The following RPH3A variants were observed in gnomAD, a reference collection of about 807,000 sequenced individuals.
RPH3A encodes rabphilin-3A.
In RPH3A, 48 loss-of-function variants were observed where a neutral mutation model predicts 102.2. That is an observed-to-expected ratio of 0.47 (90% confidence interval 0.37 to 0.60). The LOEUF is 0.60. RPH3A is among the 20% of genes least tolerant of loss of function. The pLI is 0.00. For missense variants in RPH3A, 781 were observed against 910.1 expected (o/e 0.86, Z 1.83); for synonymous variants, 310 against 324.3 (o/e 0.96, Z 0.47).
At chr12:112,843,865 C>T (rs2042188107) in intron 4 of RPH3A, among the ~76,000 whole-genome samples, 1 of 152,070 alleles carries the variant, frequency 6.6e-6, no homozygotes, top group African/African-American at 2.4e-5. Context: ...GGCTGAATTC[C>T]ATTATGACTG....
chr12:112,783,659 G>A (rs1565879367), intron 1 of RPH3A, among the ~76,000 whole-genome samples: 1 of 152,148 alleles, frequency 6.6e-6, no homozygotes, highest in South Asian at 2.1e-4. Flanking sequence ...ATAATTCCAA[G>A]AAACACATGT....
intron 1 of RPH3A, among the ~76,000 whole-genome samples, chr12:112,597,437 T>G (rs545807535): frequency 1.8e-4 from 27 of 152,030 alleles, no homozygotes; most frequent in Non-Finnish European, 3.2e-4. Flanking sequence ...GCAAAAAAAT[T>G]AGCCAGGCAT....
At chr12:112,856,048 G>A (rs1249257622) in intron 5 of RPH3A, among the ~76,000 whole-genome samples, 2 of 152,180 alleles carry the variant, frequency 1.3e-5, no homozygotes, top group African/African-American at 4.8e-5. Flanking sequence ...AAAGGCAGCT[G>A]CTCTGGCTGC....
intron 2 of RPH3A, among the ~76,000 whole-genome samples, chr12:112,799,116 T>C (rs1357003550): frequency 6.6e-6 from 1 of 151,226 alleles, no homozygotes; most frequent in Non-Finnish European, 1.5e-5. Context: ...CCAGGGATGA[T>C]GGCTCGCACT....
In RPH3A at chr12:112,670,068, T is replaced by G. The variant is rs149061248; in HGVS notation, c.-140+94749T>G. 3.7e-3 allele frequency among the ~76,000 whole-genome samples: 557 copies of G among 152,352 alleles called. 1 individual carries two copies. The highest frequency in any genetic ancestry group is 6.0e-3 in the Non-Finnish European group (408 of 68,036). On this transcript the variant is annotated intron_variant, in intron 1 of 21. Coordinates refer to the RPH3A transcript ENST00000543106. ...TAGAATTTATTTTCAGAAATAGTATTGATGGATTAAAGAATGTGTGTATTT... is the reference window on the plus strand; with the variant it reads ...TAGAATTTATTTTCAGAAATAGTATGGATGGATTAAAGAATGTGTGTATTT...
intron 1 of RPH3A, among the ~76,000 whole-genome samples, chr12:112,636,892 G>A (rs1049276537): frequency 2.0e-5 from 3 of 152,102 alleles, no homozygotes; most frequent in African/African-American, 4.8e-5. Context: ...TTAAAAATCT[G>A]TATAGAGCTT....
rs55886323 is a variant in RPH3A at position 112,712,999 on chromosome 12, C to T, written c.-139-79144C>T. 1.9e-3 allele frequency among the ~76,000 whole-genome samples: 129 copies of T among 67,460 alleles called. 6 individuals carry two copies. The highest frequency in any genetic ancestry group is 6.9e-3 in the South Asian group (9 of 1,296). The allele number at this position is 67,460 out of a possible 152,430, so 44.3% of individuals were successfully genotyped here. A position where few individuals can be genotyped will look rare whatever the true frequency, so the allele number is the denominator to read the frequency against. ...TTTCTTCTTCGTCGTCTTTGTCTTC[C>T]TCTTCCTCTTCCTCTTCCTCTTCCT... On this transcript the variant is annotated intron_variant, in intron 1 of 21. Coordinates refer to the RPH3A transcript ENST00000543106.
intron 1 of RPH3A, among the ~76,000 whole-genome samples, chr12:112,621,029 G>C (rs56118784): frequency 0.013 from 1,898 of 148,670 alleles, 41 homozygotes; most frequent in African/African-American, 0.044. Flanking sequence ...TTTTTGTAGA[G>C]ATAGGGTCTT....
chr12:112,610,290 G>T (rs1230920039), intron 1 of RPH3A, among the ~76,000 whole-genome samples: 26 of 152,138 alleles, frequency 1.7e-4, no homozygotes, highest in Admixed American at 1.7e-3. Context: ...ATCACCTGAG[G>T]TTGGGAGTTC....
At chr12:112,753,131 T>G (rs759582083) in intron 1 of RPH3A, among the ~76,000 whole-genome samples, 4 of 152,168 alleles carry the variant, frequency 2.6e-5, no homozygotes, top group Non-Finnish European at 4.4e-5. Flanking sequence ...AGATGTAATC[T>G]CTGTCCTCAG....
At chr12:112,748,506 A>G (rs548622278) in intron 1 of RPH3A, among the ~76,000 whole-genome samples, 2 of 152,070 alleles carry the variant, frequency 1.3e-5, no homozygotes, top group South Asian at 4.2e-4. Context: ...GCTAATTTTT[A>G]AATTTTTTGT....
intron 2 of RPH3A, among the ~76,000 whole-genome samples, chr12:112,804,081 A>G (rs1006973917): frequency 1.3e-5 from 2 of 152,222 alleles, no homozygotes; most frequent in Admixed American, 1.3e-4. Context: ...TTTCGCAATA[A>G]CTTTTTGAAG....
intron 1 of RPH3A, among the ~76,000 whole-genome samples, chr12:112,766,490 C>T (rs1367544687): frequency 6.6e-6 from 1 of 152,034 alleles, no homozygotes; most frequent in African/African-American, 2.4e-5. Context: ...CCATGGGAGA[C>T]TGGCAGGGGG....
At chr12:112,698,758 T>C (rs2040369791) in intron 1 of RPH3A, among the ~76,000 whole-genome samples, 1 of 152,164 alleles carries the variant, frequency 6.6e-6, no homozygotes, top group African/African-American at 2.4e-5. Flanking sequence ...TCTCATACGT[T>C]ACTGTTGGGA....
intron 1 of RPH3A, among the ~76,000 whole-genome samples, chr12:112,649,148 G>A (rs1318170987): frequency 1.3e-5 from 2 of 152,196 alleles, no homozygotes; most frequent in Admixed American, 6.5e-5. Context: ...GTATTTATTT[G>A]TGTGGTTCTT....
chr12:112,812,748 C>T (rs2041600856), intron 2 of RPH3A, among the ~76,000 whole-genome samples: 1 of 152,138 alleles, frequency 6.6e-6, no homozygotes, highest in Admixed American at 6.5e-5. Flanking sequence ...TTTATTCATT[C>T]ACTAAAACTG....
chr12:112,882,560 C>T (rs2042933128), intron 15 of RPH3A, among the ~76,000 whole-genome samples: 1 of 152,206 alleles, frequency 6.6e-6, no homozygotes, highest in South Asian at 2.1e-4. Context: ...ATGTACGCAC[C>T]TGTACACACC....
At chr12:112,610,858 G>C (rs760009887) in intron 1 of RPH3A, among the ~76,000 whole-genome samples, 6 of 152,102 alleles carry the variant, frequency 3.9e-5, no homozygotes, top group Non-Finnish European at 4.4e-5. Flanking sequence ...GGATGGTCTC[G>C]ATCTCCTGAC....
chr12:112,846,673 T>C (rs982169684), intron 4 of RPH3A, among the ~76,000 whole-genome samples: 4 of 152,354 alleles, frequency 2.6e-5, no homozygotes, highest in Admixed American at 2.6e-4. Flanking sequence ...TCCTGATTTT[T>C]CTCCCTCATA....
Sources: allele counts gnomAD v4.1 joint callset (sites outside exome capture counted in the v4.1 genomes callset), GRCh38; gene constraint gnomAD v4.1.1; transcripts MANE v1.5; gene names NCBI Gene and HGNC (gene_info 2026-07-23, HGNC 2026-07-21).